The following NOL8 variants were observed in gnomAD, a reference collection of about 807,000 sequenced individuals.
NOL8 encodes nucleolar protein Nop132.
A neutral mutation model predicts 116.1 loss-of-function variants in NOL8; 93 were observed. That is an observed-to-expected ratio of 0.80 (90% confidence interval 0.68 to 0.95). NOL8 has a LOEUF of 0.95. Ranked by LOEUF, NOL8 falls within the 40% of genes least tolerant of loss-of-function variation. NOL8 has a pLI of 0.00. For synonymous variants in NOL8, 419 were observed against 469.0 expected (o/e 0.89, Z 1.38); for missense variants, 1,291 against 1,382.8 (o/e 0.93, Z 1.05).
chr9:92,319,181 C>T (rs1839694193), intron 5 of NOL8, 40 bp downstream of exon 5: 1 of 1,486,310 alleles, frequency 6.7e-7, no homozygotes, highest in African/African-American at 1.5e-5. Context: ...CATCAGTTTC[C>T]AAGACCATGT....
At chr9:92,307,912 G>C (rs1254883188) in intron 10 of NOL8, among the ~76,000 whole-genome samples, 1 of 152,130 alleles carries the variant, frequency 6.6e-6, no homozygotes, top group Non-Finnish European at 1.5e-5. Context: ...AAATAATAAA[G>C]TACAAAAAGT....
rs776592572 is a variant in NOL8, at chr9:92,316,092, A to G, written c.533T>C (p.Ile178Thr). 33 of 1,613,924 alleles carry G rather than the reference A, an allele frequency of 2.0e-5. No homozygotes were observed. Among genetic ancestry groups the G allele is most frequent in the Non-Finnish European group, 2.5e-5 (30 of 1,179,846 alleles). ...AATGGTGTTTGAGAAATCCTCCCCT[A>G]TCTTCTTCAGGTTGTGGCAGTATTT... The part of the protein sequence containing the change: ...PSKYCHNLKK[I>T]GEDFSNTIPI... The change falls in exon 7 of 17, where the codon ATA (isoleucine) becomes ACA (threonine). Residue 178 changes from isoleucine (I) to threonine (T), a missense_variant. Physicochemically the swap from Ile to Thr is moderately conservative, Grantham distance 89. Coordinates refer to ENST00000442668, the MANE Select transcript of NOL8 (RefSeq NM_017948.6).
At chr9:92,300,208 C>G in intron 13 of NOL8, 192 bp from the exon 14 acceptor site, 2 of 1,240,218 alleles carry the variant, frequency 1.6e-6, no homozygotes, top group Non-Finnish European at 2.0e-6. Flanking sequence ...TCAGAAGCCA[C>G]TATCATAATT....
At chr9:92,309,512 A>C (rs1838572380) in intron 10 of NOL8, among the ~76,000 whole-genome samples, 1 of 152,148 alleles carries the variant, frequency 6.6e-6, no homozygotes, top group African/African-American at 2.4e-5. Flanking sequence ...AAAAAAAAAG[A>C]AGGGCAGAGA....
chr9:92,311,230 G>A lies in NOL8; in HGVS notation c.2388C>T (p.His796=). ...ATTCACTGTCAGAACCGAAGATGAT[G>A]TGCGTTGGCTTATCCTCTGGATGAC... is the stretch of plus-strand genomic sequence containing the variant. ...LDGHPEDKPT[H]IIFGSDSECE... The change falls in exon 8 of 17, where the codon CAC becomes CAT. Residue 796 remains histidine, a synonymous_variant. Coordinates refer to ENST00000442668, the MANE Select transcript of NOL8 (RefSeq NM_017948.6). 6.2e-7 allele frequency: 1 copy of A among 1,613,758 alleles called. No homozygotes were observed. The highest frequency in any genetic ancestry group is 8.5e-7 in the Non-Finnish European group (1 of 1,179,748).
At chr9:92,318,412 C>T (rs748785746) in intron 6 of NOL8, among the ~76,000 whole-genome samples, 3 of 152,204 alleles carry the variant, frequency 2.0e-5, no homozygotes, top group Admixed American at 6.5e-5. Flanking sequence ...TTCTTTGGCA[C>T]TCATCATTTG....
At chr9:92,307,348 T>TTA (rs1167729490) in intron 10 of NOL8, among the ~76,000 whole-genome samples, 2 of 152,080 alleles carry the variant, frequency 1.3e-5, no homozygotes, top group Non-Finnish European at 2.9e-5. Flanking sequence ...ACTACAGTGA[T>TTA]TATAGACTCT....
intron 15 of NOL8, 24 bp from the exon 16 acceptor site, chr9:92,298,360 A>G (rs1837430280): frequency 4.0e-6 from 6 of 1,499,914 alleles, no homozygotes; most frequent in East Asian, 2.3e-5. Context: ...AAGAAGAAAG[A>G]TGAGGCAGCA....
At chr9:92,302,189 A>C (rs1444149249) in intron 12 of NOL8, among the ~76,000 whole-genome samples, 1 of 152,182 alleles carries the variant, frequency 6.6e-6, no homozygotes, top group Non-Finnish European at 1.5e-5. Context: ...TGAAAACTGT[A>C]AGCCACATGA....
chr9:92,312,218 G>A (rs909600797), intron 7 of NOL8, among the ~76,000 whole-genome samples: 2 of 152,104 alleles, frequency 1.3e-5, no homozygotes, highest in South Asian at 4.1e-4. Context: ...ACTTTGGGAG[G>A]CCAAGGCAGG....
rs1839186592 is a variant in NOL8, at chr9:92,314,600, T to A, written c.2025A>T (p.Pro675=). Reference sequence around the variant, plus strand: ...GACTTAAGGACTTCTTACCTTCTAATGGCCTAGAAATAGGATTCTTACTTC... The same window carrying A: ...GACTTAAGGACTTCTTACCTTCTAAAGGCCTAGAAATAGGATTCTTACTTC... The part of the protein sequence containing the change: ...EKRSKNPISR[P]LEGKKSLSLS... Residue 675 remains proline, a synonymous_variant, in exon 7 of 17, where the codon CCA becomes CCT. Coordinates refer to ENST00000442668, the MANE Select transcript of NOL8 (RefSeq NM_017948.6). The A allele has an allele frequency of 6.2e-7, 1 of 1,612,750 alleles. No homozygotes were observed. Among genetic ancestry groups the A allele is most frequent in the Admixed American group, 1.7e-5 (1 of 59,818 alleles).
intron 4 of NOL8, chr9:92,320,199 A>C (rs1839807582): frequency 8.8e-6 from 4 of 455,964 alleles, no homozygotes; most frequent in Admixed American, 7.0e-5. Context: ...AGGCCTGGAC[A>C]ACTGCACAGA....
At chr9:92,317,278 A>G (rs1226418567) in intron 6 of NOL8, among the ~76,000 whole-genome samples, 1 of 152,194 alleles carries the variant, frequency 6.6e-6, no homozygotes, top group Non-Finnish European at 1.5e-5. Context: ...TTACTCTTGA[A>G]AGTCCCTTTT....
chr9:92,319,171 C>CG, intron 5 of NOL8, 50 bp downstream of exon 5: 1 of 1,471,066 alleles, frequency 6.8e-7, no homozygotes, highest in Non-Finnish European at 9.0e-7. Flanking sequence ...TGATCTCAGG[C>CG]ATCAGTTTCC....
intron 14 of NOL8, among the ~76,000 whole-genome samples, chr9:92,299,440 C>T (rs1389063820): frequency 1.3e-5 from 2 of 152,180 alleles, no homozygotes; most frequent in African/African-American, 4.8e-5. Context: ...TATAAAAAGG[C>T]TAGAGAACAC....
chr9:92,300,164 G>A, intron 13 of NOL8, 148 bp from the exon 14 acceptor site: 1 of 1,334,012 alleles, frequency 7.5e-7, no homozygotes, highest in Non-Finnish European at 9.7e-7. Context: ...CAAAAAAATA[G>A]GTAGTATCAT....
chr9:92,323,002 C>A (rs2130745216), intron 3 of NOL8: 1 of 159,030 alleles, frequency 6.3e-6, no homozygotes, highest in African/African-American at 2.4e-5. Context: ...TTGCCCTTGA[C>A]TTTACTAAAC....
At chr9:92,319,904 ACAGT>A (rs1239118213) in intron 4 of NOL8, 1 of 380,428 alleles carries the variant, frequency 2.6e-6, no homozygotes, top group African/African-American at 2.1e-5. Flanking sequence ...CCACTACACT[ACAGT>A]CAGTCTCCCA....
rs776713735 is a variant in NOL8 at position 92,315,671 on chromosome 9, T to C, written c.954A>G (p.Leu318=). ...LRMMIAKEEN[L]QRTTQPSINE... is the part of the protein sequence containing the mutation. ...TTATTGAGGGTTGTGTAGTTCTCTG[T>C]AAGTTTTCCTCTTTCGCAATCATCA... Residue 318 remains leucine (L), a synonymous_variant, in exon 7 of 17, where the codon TTA becomes TTG. Coordinates refer to ENST00000442668, the MANE Select transcript of NOL8 (RefSeq NM_017948.6). 1.2e-6 allele frequency: 2 copies of C among 1,612,574 alleles called. No individual in the cohort carries two copies. Among genetic ancestry groups the C allele is most frequent in the Non-Finnish European group, 1.7e-6 (2 of 1,179,172 alleles).
Sources: gnomAD v4.1 joint callset for allele counts (sites outside exome capture counted in the v4.1 genomes callset) on GRCh38, gnomAD v4.1.1 for gene constraint, MANE v1.5 for transcripts, NCBI Gene and HGNC (gene_info 2026-07-23, HGNC 2026-07-21) for gene names.